Variants in RPGRIP1 observed in about 807,000 individuals in gnomAD.
RPGRIP1 encodes the protein X-linked retinitis pigmentosa GTPase regulator-interacting protein 1.
Under a neutral mutation model 157.9 loss-of-function variants are expected in RPGRIP1, and 128 were observed. The ratio of observed to expected loss-of-function variants is 0.81; its 90% CI spans 0.70 to 0.94. The LOEUF (loss-of-function observed/expected upper bound fraction) is 0.94, where lower values mean the gene tolerates loss of function less well. Among genes scored for constraint, RPGRIP1 ranks in the 40% least tolerant of loss-of-function variants. The pLI is 0.00. For synonymous variants in RPGRIP1, 554 were observed against 571.6 expected (o/e 0.97, Z 0.44); for missense variants, 1,486 against 1,545.8 (o/e 0.96, Z 0.65).
At chr14:21,303,169 A>G (rs1881113271) in intron 5 of RPGRIP1, among the ~76,000 whole-genome samples, 162 bp from the exon 6 acceptor site, 1 of 152,078 alleles carries the variant, frequency 6.6e-6, no homozygotes. Flanking sequence ...CGCCTGGCCC[A>G]TAATTCCTTT....
chr14:21,330,545 A>C (rs542005512), intron 20 of RPGRIP1, among the ~76,000 whole-genome samples, 158 bp downstream of exon 20: 6 of 152,010 alleles, frequency 3.9e-5, no homozygotes, highest in Non-Finnish European at 7.4e-5. Flanking sequence ...AGGCGCCTGT[A>C]ATCCCAGCTA....
chr14:21,326,158 A>C lies in RPGRIP1; in HGVS notation c.2695A>C (p.Asn899His). ...AGTGCCTTTACTGCCTCTTGCAAAA[A>C]ATGAATCTATCAAAGGTGGGAGTTC... ...ARVPLLPLAK[N>H]ESIKGDFNLT... The change falls in exon 17 of 25, where the codon AAT becomes CAT. Residue 899 changes from asparagine (N) to histidine (H), a missense_variant. By Grantham distance (68) the Asn-to-His change is moderately conservative. Coordinates refer to ENST00000400017, the MANE Select transcript of RPGRIP1 (RefSeq NM_020366.4). The C allele has an allele frequency of 6.4e-7, 1 of 1,571,878 alleles. No homozygotes were observed. The highest frequency in any genetic ancestry group is 8.6e-7 in the Non-Finnish European group (1 of 1,157,912).
rs869108147 is a variant in RPGRIP1 at position 21,337,438 on chromosome 14, C to CT, written c.3339+2750dup. On this transcript the variant is annotated intron_variant, in intron 21 of 24. Coordinates refer to ENST00000400017, the MANE Select transcript of RPGRIP1 (RefSeq NM_020366.4). The stretch of plus-strand genomic sequence containing the variant: ...ACCTACTGGAGTTCTCAATGTTAAG[C>CT]TTTTTTTTTTTTTTTTTGAGATAGA... Among the ~76,000 whole-genome samples, 822 of 128,682 alleles carry CT rather than the reference C, an allele frequency of 6.4e-3. 14 individuals are homozygous for CT. The highest frequency in any genetic ancestry group is 0.017 in the East Asian group (82 of 4,708). The allele number at this position is 128,682 out of a possible 152,430, so 84.4% of individuals were successfully genotyped here. A position where few individuals can be genotyped will look rare whatever the true frequency, so the allele number is the denominator to read the frequency against.
At chr14:21,318,566 C>G (rs749057174) in intron 11 of RPGRIP1, among the ~76,000 whole-genome samples, 1 of 152,188 alleles carries the variant, frequency 6.6e-6, no homozygotes, top group African/African-American at 2.4e-5. Context: ...ACCTCTGCCT[C>G]CCAGGTTCAA....
chr14:21,301,273 A>G (rs1881017930), intron 4 of RPGRIP1, 36 bp downstream of exon 4: 1 of 1,558,176 alleles, frequency 6.4e-7, no homozygotes, highest in Non-Finnish European at 8.7e-7. Flanking sequence ...CAGGGCTAAG[A>G]CACTGGGAAG....
chr14:21,304,383 G>GAA, intron 6 of RPGRIP1, among the ~76,000 whole-genome samples: 1 of 95,382 alleles, frequency 1.0e-5, no homozygotes, highest in African/African-American at 4.1e-5. Context: ...AGGGAGGAAG[G>GAA]AGAGAGAGAA....
Position 21,348,187 on chromosome 14 carries a change from G to A in RPGRIP1, c.3633G>A (p.Val1211=). Residue 1211 remains valine (V), a synonymous_variant, in exon 24 of 25, where the codon GTG becomes GTA. Transcript: ENST00000400017. ...TTCTTTTTAGTTTAAAGTTTACAGTGGTAAGTGATCCTCTGGATGAAGAAA... is the reference window on the plus strand; with the variant it reads ...TTCTTTTTAGTTTAAAGTTTACAGTAGTAAGTGATCCTCTGGATGAAGAAA... ...DPDQGHLKFT[V]VSDPLDEEKK... 6.3e-7 allele frequency: 1 copy of A among 1,583,146 alleles called. No homozygotes were observed. The highest frequency in any genetic ancestry group is 8.6e-7 in the Non-Finnish European group (1 of 1,164,230).
intron 20 of RPGRIP1, 78 bp from the exon 21 acceptor site, chr14:21,334,527 G>T: frequency 1.1e-6 from 1 of 931,440 alleles, no homozygotes. Context: ...ACAGTGGATT[G>T]GAGATGTGTG....
intron 21 of RPGRIP1, among the ~76,000 whole-genome samples, chr14:21,335,046 CAAAAAAAAAAA>C (rs869065591): frequency 7.1e-5 from 2 of 28,050 alleles, no homozygotes; most frequent in Non-Finnish European, 7.4e-5. Context: ...AACTCTGTCT[CAAAAAAAAAAA>C]AAAAAAAAAA....
At chr14:21,280,824 C>T (rs1159915989) in intron 1 of RPGRIP1, among the ~76,000 whole-genome samples, 1 of 152,048 alleles carries the variant, frequency 6.6e-6, no homozygotes, top group Non-Finnish European at 1.5e-5. Context: ...GATGAATCTT[C>T]CTAATGCTCT....
intron 7 of RPGRIP1, 78 bp downstream of exon 7, chr14:21,307,914 T>C: frequency 1.3e-6 from 1 of 774,732 alleles, no homozygotes; most frequent in Non-Finnish European, 2.1e-6. Flanking sequence ...TTCTCCATTT[T>C]AAATATGAGA....
At chr14:21,311,745 T>C in intron 8 of RPGRIP1, 79 bp from the exon 9 acceptor site, 3 of 1,144,226 alleles carry the variant, frequency 2.6e-6, no homozygotes, top group Non-Finnish European at 3.7e-6. Flanking sequence ...TGTTAGAGAA[T>C]GCTAGGGTTG....
At chr14:21,329,107 G>A (rs1472042399) in intron 19 of RPGRIP1, among the ~76,000 whole-genome samples, 1 of 146,284 alleles carries the variant, frequency 6.8e-6, no homozygotes, top group Non-Finnish European at 1.5e-5. Flanking sequence ...TCGCGCCATT[G>A]CACTCCAGCC....
chr14:21,305,185 C>A (rs1388617872), intron 6 of RPGRIP1, among the ~76,000 whole-genome samples: 1 of 152,174 alleles, frequency 6.6e-6, no homozygotes, highest in African/African-American at 2.4e-5. Context: ...GCTTTACTCC[C>A]CCAAAAGTCC....
chr14:21,312,051 T>C lies in RPGRIP1; in HGVS notation c.1077+81T>C, dbSNP rs553370787. On this transcript the variant is annotated intron_variant, in intron 9 of 24. Transcript: ENST00000400017. ...ATGTGTATCTTAGCAACAATATGAG[T>C]ATTGCATTTTTTCAAATGACAAAAA... is the stretch of plus-strand genomic sequence containing the variant. 1.5e-5 allele frequency: 20 copies of C among 1,300,118 alleles called. No individual in the cohort carries two copies. In the South Asian group the frequency reaches 2.1e-4, roughly 14 times the overall value. 80.5% of individuals were successfully genotyped at this position (1,300,118 alleles called of 1,614,324 possible).
chr14:21,310,607 G>T lies in RPGRIP1; in HGVS notation c.930G>T (p.Lys310Asn). 1 of 1,457,972 alleles carries T rather than the reference G, an allele frequency of 6.9e-7. No individual in the cohort carries two copies. Among genetic ancestry groups the T allele is most frequent in the Admixed American group, 2.3e-5 (1 of 42,940 alleles). The allele number at this position is 1,457,972 out of a possible 1,614,324, so 90.3% of individuals were successfully genotyped here. A position where few individuals can be genotyped will look rare whatever the true frequency, so the allele number is the denominator to read the frequency against. The change falls in exon 8 of 25, where the codon AAG (lysine) becomes AAT (asparagine). Residue 310 changes from lysine to asparagine, a missense_variant and splice_region_variant. Physicochemically the swap from Lys to Asn is moderately conservative, Grantham distance 94. Transcript: ENST00000400017. ...AGGCATACGAAACCTTGCTCCAGAA[G>T]GTACTTAATGAGAATTGAGTCTCTG... The part of the protein sequence containing the change: ...VQEAYETLLQ[K>N]NQGILSAAHE...
At position 21,337,438 on chromosome 14, in the gene RPGRIP1, C is replaced by CTTTTTTTT. The variant is rs869108147; in HGVS notation, c.3339+2743_3339+2750dup. On this transcript the variant is annotated intron_variant, in intron 21 of 24. Transcript: ENST00000400017. ...ACCTACTGGAGTTCTCAATGTTAAG[C>CTTTTTTTT]TTTTTTTTTTTTTTTTTGAGATAGA... is the stretch of plus-strand genomic sequence containing the variant. Among the ~76,000 whole-genome samples the CTTTTTTTT allele has an allele frequency of 9.4e-4, 121 of 128,686 alleles. 1 individual carries two copies. The highest frequency in any genetic ancestry group is 1.2e-3 in the Non-Finnish European group (75 of 61,274). 84.4% of individuals were successfully genotyped at this position (128,686 alleles called of 152,430 possible). A position where few individuals can be genotyped will look rare whatever the true frequency, so the allele number is the denominator to read the frequency against.
chr14:21,344,931 G>A (rs932393875), intron 22 of RPGRIP1, among the ~76,000 whole-genome samples, 182 bp from the exon 23 acceptor site: 1 of 152,120 alleles, frequency 6.6e-6, no homozygotes, highest in Non-Finnish European at 1.5e-5. Context: ...GACACAGTAA[G>A]AATCTGTCAC....
intron 14 of RPGRIP1, among the ~76,000 whole-genome samples, chr14:21,322,896 G>T (rs1882655547): frequency 6.6e-6 from 1 of 152,150 alleles, no homozygotes; most frequent in African/African-American, 2.4e-5. Context: ...ACCAGAGCCT[G>T]GTCTCAGGCT....
Sources: gnomAD v4.1 joint callset for allele counts (sites outside exome capture counted in the v4.1 genomes callset) on GRCh38, gnomAD v4.1.1 for gene constraint, MANE v1.5 for transcripts, NCBI Gene and HGNC (gene_info 2026-07-23, HGNC 2026-07-21) for gene names.